MCF2L: variants seen among roughly 807,000 people sequenced by gnomAD.
MCF2L encodes MCF.2 cell line derived transforming sequence like, also known as guanine nucleotide exchange factor DBS.
Under a neutral mutation model 153.4 loss-of-function variants are expected in MCF2L, and 97 were observed. That is an observed-to-expected ratio of 0.63 (90% CI 0.54 to 0.75). MCF2L has a LOEUF of 0.75. Ranked by LOEUF, MCF2L falls within the 30% of genes least tolerant of loss-of-function variation. MCF2L has a pLI of 0.00. For missense variants in MCF2L, 1,347 were observed against 1,495.2 expected (o/e 0.90, Z 1.64); for synonymous variants, 659 against 632.2 (o/e 1.04, Z -0.64).
At position 113,025,981 on chromosome 13, in the gene MCF2L, T is replaced by A. The variant is rs183554208; in HGVS notation, c.278+1223T>A. ...GTCATGGGGTCCCCGTGACTGTGGG[T>A]CGGGGCAGAGTCTCCGTGAGGTTTC... is the stretch of plus-strand genomic sequence containing the variant. On this transcript the variant is annotated intron_variant, in intron 3 of 29. Coordinates refer to ENST00000535094, the MANE Select transcript of MCF2L (RefSeq NM_001112732.3). 6.4e-3 allele frequency among the ~76,000 whole-genome samples: 277 copies of A among 42,970 alleles called. 3 individuals carry two copies. Among genetic ancestry groups the A allele is most frequent in the African/African-American group, 0.013 (144 of 10,968 alleles). The allele number at this position is 42,970 out of a possible 152,430, so 28.2% of individuals were successfully genotyped here.
At chr13:113,048,026 G>A (rs368505411) in intron 4 of MCF2L, among the ~76,000 whole-genome samples, 24 of 152,180 alleles carry the variant, frequency 1.6e-4, no homozygotes, top group African/African-American at 5.8e-4. Context: ...CCCCAGATAC[G>A]AGGTTACTTT....
chr13:113,082,191 C>T (rs2034207848), intron 16 of MCF2L, among the ~76,000 whole-genome samples: 2 of 152,202 alleles, frequency 1.3e-5, no homozygotes, highest in South Asian at 4.1e-4. Flanking sequence ...TTCAGTTACA[C>T]CTGAATCATA....
upstream of MCF2L, among the ~76,000 whole-genome samples, chr13:112,966,600 A>C (rs1167266589): frequency 6.6e-6 from 1 of 152,204 alleles, no homozygotes; most frequent in African/African-American, 2.4e-5. The surrounding 1 kb of genome is among the most constrained non-coding windows in gnomAD (Gnocchi z 4.1). Flanking sequence ...CACAGAGACC[A>C]AGGGTCTCCA....
At chr13:113,076,943 A>G in intron 12 of MCF2L, 109 bp from the exon 13 acceptor site, 1 of 1,184,150 alleles carries the variant, frequency 8.4e-7, no homozygotes, top group Non-Finnish European at 1.2e-6. Context: ...CGCATGGAGA[A>G]CATTTAAAGC....
chr13:112,909,514 G>A, intron 2 of MCF2L: 1 of 509,808 alleles, frequency 2.0e-6, no homozygotes, highest in Non-Finnish European at 3.5e-6. Context: ...AGGGTGCGCA[G>A]CCAGCGGGTC....
intron 3 of MCF2L, among the ~76,000 whole-genome samples, chr13:113,037,064 A>G (rs750685270): frequency 1.6e-4 from 25 of 152,134 alleles, no homozygotes; most frequent in Admixed American, 3.9e-4. Flanking sequence ...CCTCCTGTCC[A>G]TCTCAGTGCA....
intron 3 of MCF2L, among the ~76,000 whole-genome samples, chr13:113,036,948 G>A (rs753831652): frequency 2.6e-5 from 4 of 152,222 alleles, no homozygotes; most frequent in Non-Finnish European, 5.9e-5. Flanking sequence ...GAAGACCTGC[G>A]TTGTAGCAAG....
At position 113,096,577 on chromosome 13, in the gene MCF2L, G is replaced by C. The variant is rs1319571306; in HGVS notation, c.3216G>C (p.Lys1072Asn). Residue 1072 changes from lysine (K) to asparagine (N), a missense_variant, in exon 29 of 30, where the codon AAG becomes AAC. Physicochemically the swap from Lys to Asn is moderately conservative, Grantham distance 94. Transcript: ENST00000535094. ...ACGTCAGGGACCCGACCACTGGCAA[G>C]GAGGGCTGGGTGCCGGCCAGCAGCC... The part of the protein sequence containing the change: ...LWYVRDPTTG[K>N]EGWVPASSLS... 2 of 1,604,488 alleles carry C rather than the reference G, an allele frequency of 1.2e-6. No homozygotes were observed. Among genetic ancestry groups the C allele is most frequent in the East Asian group, 4.5e-5 (2 of 44,792 alleles).
At chr13:112,936,269 G>C (rs1408481829) in intron 2 of MCF2L, among the ~76,000 whole-genome samples, 1 of 110,002 alleles carries the variant, frequency 9.1e-6, no homozygotes, top group African/African-American at 3.7e-5. Context: ...AACAGAGTGA[G>C]ACTCTGTCTC....
Position 113,064,881 on chromosome 13 carries a change from G to A in MCF2L, c.607-55G>A, listed in dbSNP as rs536007915. 363 of 1,564,988 alleles carry A rather than the reference G, an allele frequency of 2.3e-4. No individual in the cohort carries two copies. The highest frequency in any genetic ancestry group is 2.9e-4 in the Non-Finnish European group (331 of 1,152,396). On this transcript the variant is annotated intron_variant, in intron 6 of 29. Transcript: ENST00000535094. The surrounding 1 kb of genome is among the most constrained non-coding windows in gnomAD (Gnocchi z 6.0). Reference sequence around the variant, plus strand: ...TCCGCCGGTGTCTGCTTTCAGGGCAGCAGGAGGTGGGTGCAGTGCACAAGG... The same window carrying A: ...TCCGCCGGTGTCTGCTTTCAGGGCAACAGGAGGTGGGTGCAGTGCACAAGG...
At chr13:112,919,407 G>A (rs1299085165) in intron 2 of MCF2L, among the ~76,000 whole-genome samples, 11 of 151,610 alleles carry the variant, frequency 7.3e-5, no homozygotes, top group African/African-American at 1.9e-4. Flanking sequence ...GGGTTTCACC[G>A]TTTTAGCCGG....
At chr13:112,990,977 G>A (rs1400900723) in intron 1 of MCF2L, among the ~76,000 whole-genome samples, 1 of 152,264 alleles carries the variant, frequency 6.6e-6, no homozygotes, top group Non-Finnish European at 1.5e-5. Flanking sequence ...TAAACTAGGT[G>A]TTTGCTGGTA....
chr13:113,009,889 C>T (rs1182977359), intron 1 of MCF2L: 1 of 152,234 alleles, frequency 6.6e-6, no homozygotes, highest in Admixed American at 6.5e-5. Flanking sequence ...GGACAGGATG[C>T]AGAAGCCTTT....
rs1029887235 is a variant in MCF2L at position 112,969,487 on chromosome 13, C to G, written c.79+29C>G. The G allele has an allele frequency of 6.5e-6, 10 of 1,549,888 alleles. No homozygotes were observed. The highest frequency in any genetic ancestry group is 2.7e-5 in the African/African-American group (2 of 73,052). On this transcript the variant is annotated intron_variant, in intron 1 of 29. Coordinates refer to ENST00000535094, the MANE Select transcript of MCF2L (RefSeq NM_001112732.3). The surrounding 1 kb of genome is among the most constrained non-coding windows in gnomAD (Gnocchi z 4.8). ...GGAGGAGCTGCTGGCCGTCAGTGAT[C>G]TGTGCTTAAGCTTGACATCATGGGC... is the stretch of plus-strand genomic sequence containing the variant.
chr13:113,088,088 C>T (rs1332396640), intron 23 of MCF2L, among the ~76,000 whole-genome samples: 2 of 152,330 alleles, frequency 1.3e-5, no homozygotes, highest in East Asian at 1.9e-4. Context: ...CCGATTCTCA[C>T]GGTGGGGAGG....
chr13:113,073,977 C>T (rs796152954), intron 9 of MCF2L, among the ~76,000 whole-genome samples: 4 of 152,230 alleles, frequency 2.6e-5, no homozygotes, highest in African/African-American at 9.6e-5. Context: ...GTCTTCCTGC[C>T]AACAGCAGAA....
chr13:113,057,474 T>C, intron 4 of MCF2L, among the ~76,000 whole-genome samples: 1 of 140,796 alleles, frequency 7.1e-6, no homozygotes, highest in African/African-American at 2.7e-5. Context: ...CACTGGGTGC[T>C]GAGTGTTGGG....
intron 2 of MCF2L, among the ~76,000 whole-genome samples, chr13:112,947,976 A>G (rs181251968): frequency 6.6e-6 from 1 of 152,312 alleles, no homozygotes; most frequent in Non-Finnish European, 1.5e-5. Context: ...AATTAGCACC[A>G]CGTGGACTCT....
In MCF2L at chr13:113,091,085, C is replaced by T. The variant is rs192048624; in HGVS notation, c.2953+1357C>T. ...CCTCCCTCCGTCCTTCACACTCTCT[C>T]TCCGGTTGTATTTCTGCCTCCTCCT... On this transcript the variant is annotated intron_variant, in intron 26 of 29. Coordinates refer to ENST00000535094, the MANE Select transcript of MCF2L (RefSeq NM_001112732.3). The T allele has an allele frequency of 3.8e-6, 5 of 1,304,234 alleles. No individual in the cohort carries two copies. The African/African-American group carries it at 7.6e-5, about 20-fold the overall frequency. 80.8% of individuals were successfully genotyped at this position (1,304,234 alleles called of 1,614,324 possible).
Sources: allele counts gnomAD v4.1 joint callset (sites outside exome capture counted in the v4.1 genomes callset), GRCh38; gene constraint gnomAD v4.1.1; non-coding constraint Gnocchi (gnomAD v3.1); transcripts MANE v1.5; gene names NCBI Gene and HGNC (gene_info 2026-07-23, HGNC 2026-07-21).